CEP164: variants seen among roughly 807,000 people sequenced by gnomAD.
The protein encoded by CEP164 is centrosomal protein of 164 kDa.
Under a neutral mutation model 182.7 loss-of-function variants are expected in CEP164, and 162 were observed. The ratio of observed to expected loss-of-function variants is 0.89; its 90% confidence interval spans 0.78 to 1.01. The LOEUF is 1.01. Ranked by LOEUF, CEP164 falls within the 50% of genes least tolerant of loss-of-function variation. CEP164 has a pLI of 0.00. For missense variants in CEP164, 1,735 were observed against 1,790.4 expected (o/e 0.97, Z 0.56); for synonymous variants, 661 against 690.0 (o/e 0.96, Z 0.66).
chr11:117,350,860 A>G (rs917274400), intron 4 of CEP164, among the ~76,000 whole-genome samples: 2 of 152,104 alleles, frequency 1.3e-5, no homozygotes, highest in Non-Finnish European at 2.9e-5. Flanking sequence ...TGAATATAAA[A>G]TATTTTGCAT....
chr11:117,395,283 C>A, intron 23 of CEP164, 92 bp downstream of exon 23: 3 of 1,452,022 alleles, frequency 2.1e-6, no homozygotes, highest in Non-Finnish European at 2.9e-6. Context: ...TCTGATCTGT[C>A]CAGGGCACTG....
chr11:117,354,890 G>A (rs1255688377), intron 5 of CEP164: 1 of 1,223,662 alleles, frequency 8.2e-7, no homozygotes, highest in African/African-American at 1.6e-5. Context: ...AATCAGAAGT[G>A]CTTTGTCTTC....
chr11:117,396,258 G>C, intron 25 of CEP164, 78 bp downstream of exon 25: 1 of 1,504,856 alleles, frequency 6.6e-7, no homozygotes, highest in South Asian at 1.2e-5. Flanking sequence ...CATCAGGGGA[G>C]TACTTCCAGA....
intron 4 of CEP164, among the ~76,000 whole-genome samples, chr11:117,347,687 G>A (rs375649115): frequency 1.3e-5 from 2 of 150,228 alleles, no homozygotes; most frequent in South Asian, 2.1e-4. Context: ...TCCAGCCTGG[G>A]CAGCAAGAGC....
At chr11:117,368,597 G>A (rs2135848435) in intron 8 of CEP164, among the ~76,000 whole-genome samples, 1 of 152,356 alleles carries the variant, frequency 6.6e-6, no homozygotes, top group African/African-American at 2.4e-5. Flanking sequence ...AGCCTGGCCA[G>A]GGTGGGTTGG....
At chr11:117,375,911 T>G (rs528928193) in intron 11 of CEP164, 120 bp downstream of exon 11, 125 of 798,500 alleles carry the variant, frequency 1.6e-4, no homozygotes, top group Non-Finnish European at 1.9e-4. Flanking sequence ...CTCTCCCTTC[T>G]AATTCATTAA....
intron 5 of CEP164, chr11:117,354,856 C>T: frequency 8.7e-7 from 1 of 1,155,706 alleles, no homozygotes; most frequent in Non-Finnish European, 1.1e-6. Flanking sequence ...TGAGGGCTTG[C>T]CCAGGGCTGA....
At chr11:117,395,280 T>C in intron 23 of CEP164, 89 bp downstream of exon 23, 2 of 1,472,262 alleles carry the variant, frequency 1.4e-6, no homozygotes, top group Non-Finnish European at 1.9e-6. Context: ...TCATCTGATC[T>C]GTCCAGGGCA....
At chr11:117,408,595 C>T (rs899215654) in intron 28 of CEP164, 6 of 403,132 alleles carry the variant, frequency 1.5e-5, no homozygotes, top group African/African-American at 1.0e-4. Context: ...TGATTTGCTT[C>T]GCCCAGGGTA....
intron 17 of CEP164, 60 bp from the exon 18 acceptor site, chr11:117,392,166 G>A (rs966246723): frequency 6.9e-6 from 10 of 1,444,770 alleles, no homozygotes; most frequent in African/African-American, 5.7e-5. Context: ...TCCTGGCTCC[G>A]CCTCCCACCA....
Position 117,396,539 on chromosome 11 carries a change from T to C in CEP164, c.3217-11T>C. 6.2e-7 allele frequency: 1 copy of C among 1,612,468 alleles called. No homozygotes were observed. Among genetic ancestry groups the C allele is most frequent in the Non-Finnish European group, 8.5e-7 (1 of 1,178,468 alleles). ...CTACACTCAGTGGACTTTTCTACCA[T>C]GTGTCCCTAGAACCAGACCAAAGAG... On this transcript the variant is annotated splice_polypyrimidine_tract_variant and intron_variant, in intron 25 of 32. Transcript: ENST00000278935.
chr11:117,382,746 T>A (rs367702865), intron 13 of CEP164, 50 bp from the exon 14 acceptor site: 73 of 1,597,978 alleles, frequency 4.6e-5, no homozygotes, highest in Non-Finnish European at 6.1e-5. Context: ...ATCTTAAGCC[T>A]CTTGCTTTCT....
At chr11:117,347,675 A>C (rs1565442630) in intron 4 of CEP164, among the ~76,000 whole-genome samples, 1 of 149,820 alleles carries the variant, frequency 6.7e-6, no homozygotes, top group Non-Finnish European at 1.5e-5. Flanking sequence ...GTGCCATTGC[A>C]CTCCAGCCTG....
At chr11:117,408,405 A>G in intron 28 of CEP164, 1 of 229,644 alleles carries the variant, frequency 4.4e-6, no homozygotes, top group Admixed American at 5.0e-5. Context: ...ACTTTCTCCT[A>G]GATGTCTGAG....
chr11:117,396,710 G>A (rs555978226), intron 26 of CEP164, 99 bp downstream of exon 26: 18 of 976,948 alleles, frequency 1.8e-5, no homozygotes, highest in Admixed American at 8.6e-5. Context: ...GTGAGGAGAC[G>A]GTGATCACCA....
intron 27 of CEP164, among the ~76,000 whole-genome samples, chr11:117,404,691 A>G (rs1189832779): frequency 6.6e-6 from 1 of 152,192 alleles, no homozygotes; most frequent in Non-Finnish European, 1.5e-5. Flanking sequence ...GTGCTGGGAG[A>G]TCTGCTGCTC....
Position 117,397,174 on chromosome 11 carries a change from C to CA in CEP164, c.3363dup (p.Arg1122ThrfsTer20). 6.2e-7 allele frequency: 1 copy of CA among 1,614,152 alleles called. No individual in the cohort carries two copies. The highest frequency in any genetic ancestry group is 8.5e-7 in the Non-Finnish European group (1 of 1,179,950). On this transcript the variant is annotated frameshift_variant, in exon 27 of 33. Coordinates refer to ENST00000278935, the MANE Select transcript of CEP164 (RefSeq NM_014956.5). LOFTEE classifies it high-confidence loss of function. ...GCCAAGGAGTTCCTTGTGCAGCAGA[C>CA]ACGCTCCATGCGGAGGCGGCAGACA...
intron 30 of CEP164, chr11:117,410,495 G>T: frequency 3.6e-6 from 1 of 274,988 alleles, no homozygotes; most frequent in South Asian, 5.5e-5. Context: ...TGTGACTCCA[G>T]GATTCTGCTT....
Position 117,412,205 on chromosome 11 carries a change from C to T in CEP164, c.*37C>T. 6.3e-7 allele frequency: 1 copy of T among 1,580,564 alleles called. No homozygotes were observed. The highest frequency in any genetic ancestry group is 8.7e-7 in the Non-Finnish European group (1 of 1,154,222). On this transcript the variant is annotated 3_prime_UTR_variant, in exon 33 of 33. Coordinates refer to ENST00000278935, the MANE Select transcript of CEP164 (RefSeq NM_014956.5). ...GGGGCTTGGGGCAGCCCAGCCTCTC[C>T]TCCACCCAGACCAAGTGCCTGAGGA... is the stretch of plus-strand genomic sequence containing the variant.
Sources: allele counts gnomAD v4.1 joint callset (sites outside exome capture counted in the v4.1 genomes callset), GRCh38; gene constraint gnomAD v4.1.1; transcripts MANE v1.5; gene names NCBI Gene and HGNC (gene_info 2026-07-23, HGNC 2026-07-21).